CPNE8: variants seen among roughly 807,000 people sequenced by gnomAD.
The protein encoded by CPNE8 is copine-8.
Under a neutral mutation model 81.5 loss-of-function variants are expected in CPNE8, and 45 were observed. That is an observed-to-expected ratio of 0.55 (90% CI 0.44 to 0.71). The LOEUF is 0.71. Ranked by LOEUF, CPNE8 falls within the 30% of genes least tolerant of loss-of-function variation. The pLI is 0.00. For missense variants in CPNE8, 594 were observed against 672.1 expected, an observed-to-expected ratio of 0.88 and a Z score of 1.28; for synonymous variants, 252 against 226.3, an observed-to-expected ratio of 1.11 and a Z score of -1.02.
At chr12:38,886,506 C>G (rs77625047) in intron 1 of CPNE8, among the ~76,000 whole-genome samples, 2,700 of 152,206 alleles carry the variant, frequency 0.018, 80 homozygotes, top group African/African-American at 0.061. Context: ...CAAATTCATT[C>G]GAAAATATTC....
intron 3 of CPNE8, among the ~76,000 whole-genome samples, chr12:38,869,910 C>A (rs982448595): frequency 1.3e-5 from 2 of 152,178 alleles, no homozygotes; most frequent in Non-Finnish European, 2.9e-5. Flanking sequence ...TAATATTATG[C>A]CATTTCTCAT....
At position 38,767,732 on chromosome 12, in the gene CPNE8, C is replaced by G; in HGVS notation, c.478G>C (p.Val160Leu). ...TTGTTCGCACAAAATTGCATCAAAACGGCATCCTAAAAACAAAATTAATAA... is the reference window on the plus strand; with the variant it reads ...TTGTTCGCACAAAATTGCATCAAAAGGGCATCCTAAAAACAAAATTAATAA... Reference protein sequence around the residue: ...AEELNCCRDAVLMQFCANKLD... With the variant: ...AEELNCCRDALLMQFCANKLD... The change falls in exon 8 of 20, where the codon GTT (valine) becomes CTT (leucine). Residue 160 changes from valine (V) to leucine (L), a missense_variant. By Grantham distance (32) the Val-to-Leu change is conservative. Transcript: ENST00000331366. The G allele has an allele frequency of 6.5e-7, 1 of 1,541,426 alleles. No homozygotes were observed. Among genetic ancestry groups the G allele is most frequent in the East Asian group, 2.5e-5 (1 of 40,312 alleles).
intron 8 of CPNE8, among the ~76,000 whole-genome samples, chr12:38,763,370 A>G (rs1044721255): frequency 5.3e-5 from 8 of 152,260 alleles, no homozygotes; most frequent in South Asian, 2.1e-4. Context: ...AGGATGAGAC[A>G]TAAGTGATAA....
At chr12:38,894,866 T>C (rs916746997) in intron 1 of CPNE8, among the ~76,000 whole-genome samples, 5 of 151,922 alleles carry the variant, frequency 3.3e-5, no homozygotes, top group African/African-American at 1.2e-4. Flanking sequence ...TAAAAGAGGA[T>C]TGTAGGAATG....
At chr12:38,810,715 G>C (rs745394690) in intron 6 of CPNE8, among the ~76,000 whole-genome samples, 1 of 152,138 alleles carries the variant, frequency 6.6e-6, no homozygotes, top group Non-Finnish European at 1.5e-5. Context: ...AGTAGGATCA[G>C]CTAAGTATTC....
At chr12:38,786,005 A>T (rs1046711109) in intron 6 of CPNE8, among the ~76,000 whole-genome samples, 4 of 152,168 alleles carry the variant, frequency 2.6e-5, no homozygotes, top group Non-Finnish European at 4.4e-5. Flanking sequence ...GAAAGAAGAG[A>T]ACACAAAACA....
chr12:38,842,297 G>A (rs181457110), intron 4 of CPNE8, among the ~76,000 whole-genome samples: 154 of 152,218 alleles, frequency 1.0e-3, no homozygotes, highest in Admixed American at 1.6e-3. Context: ...AAACATAGCT[G>A]TGCTAGCTCC....
At position 38,879,726 on chromosome 12, in the gene CPNE8, C is replaced by T. The variant is rs182192001; in HGVS notation, c.99-5215G>A. On this transcript the variant is annotated intron_variant, in intron 1 of 19. Coordinates refer to ENST00000331366, the MANE Select transcript of CPNE8 (RefSeq NM_153634.3). ...TTCCACAGATGAAATTTGAAAAAGA[C>T]GACCTGTGTGTGAATTTTAAAGTTA... 7.2e-5 allele frequency among the ~76,000 whole-genome samples: 11 copies of T among 152,090 alleles called. No individual in the cohort carries two copies. The East Asian group carries it at 1.7e-3, about 24-fold the overall frequency.
chr12:38,714,823 T>C (rs1160225530), intron 13 of CPNE8, among the ~76,000 whole-genome samples: 1 of 152,054 alleles, frequency 6.6e-6, no homozygotes, highest in Non-Finnish European at 1.5e-5. Context: ...ACTAACAATC[T>C]GGTTTCACAA....
chr12:38,798,071 C>G (rs945834305), intron 6 of CPNE8, among the ~76,000 whole-genome samples: 3 of 152,246 alleles, frequency 2.0e-5, no homozygotes, highest in East Asian at 1.9e-4. Flanking sequence ...ATCTACGTCT[C>G]ATTGGTGTAC....
intron 3 of CPNE8, among the ~76,000 whole-genome samples, chr12:38,867,217 C>T (rs1355358321): frequency 6.6e-6 from 1 of 152,046 alleles, no homozygotes. Context: ...CGAGGTTTCA[C>T]CTTTGGAAGC....
At chr12:38,681,307 T>G (rs528552050) in intron 16 of CPNE8, among the ~76,000 whole-genome samples, 49 of 152,212 alleles carry the variant, frequency 3.2e-4, no homozygotes, top group Admixed American at 9.8e-4. Flanking sequence ...AAAACTCCAT[T>G]TTATTCAAAC....
At chr12:38,846,800 T>C (rs941404460) in intron 4 of CPNE8, among the ~76,000 whole-genome samples, 21 of 152,058 alleles carry the variant, frequency 1.4e-4, no homozygotes, top group African/African-American at 5.1e-4. Context: ...AAATATATAC[T>C]ACAAAAAGAT....
At chr12:38,760,760 A>G (rs1235584903) in intron 10 of CPNE8, 87 bp downstream of exon 10, 3 of 1,042,468 alleles carry the variant, frequency 2.9e-6, no homozygotes, top group African/African-American at 3.3e-5. Flanking sequence ...CCATCTAAAA[A>G]TTACAATTTA....
intron 1 of CPNE8, among the ~76,000 whole-genome samples, chr12:38,883,879 A>T (rs1944199376): frequency 1.3e-5 from 2 of 152,226 alleles, no homozygotes; most frequent in African/African-American, 4.8e-5. Flanking sequence ...TTCTGGTCAG[A>T]TAAGTGTAGA....
chr12:38,770,908 A>G (rs1592074271), intron 7 of CPNE8, among the ~76,000 whole-genome samples: 1 of 152,210 alleles, frequency 6.6e-6, no homozygotes, highest in East Asian at 1.9e-4. Context: ...TATTTGAATC[A>G]CTTGTCACAT....
At chr12:38,780,892 A>G (rs1168673325) in intron 6 of CPNE8, among the ~76,000 whole-genome samples, 1 of 152,014 alleles carries the variant, frequency 6.6e-6, no homozygotes, top group Non-Finnish European at 1.5e-5. Context: ...CAGATGGGAG[A>G]TCTAAGATGA....
At position 38,763,713 on chromosome 12, in the gene CPNE8, G is replaced by A. The variant is rs141457645; in HGVS notation, c.576-1497C>T. The stretch of plus-strand genomic sequence containing the variant: ...TTCTTCCTTCATGTGAATTTATGCA[G>A]CAGTTTCTGAGCTAGAAGCATTCAA... On this transcript the variant is annotated intron_variant, in intron 8 of 19. Coordinates refer to ENST00000331366, the MANE Select transcript of CPNE8 (RefSeq NM_153634.3). 4.9e-3 allele frequency among the ~76,000 whole-genome samples: 749 copies of A among 152,302 alleles called. 5 individuals are homozygous for A. Among genetic ancestry groups the A allele is most frequent in the African/African-American group, 0.017 (697 of 41,568 alleles).
chr12:38,714,893 G>A (rs1940348359), intron 13 of CPNE8, among the ~76,000 whole-genome samples: 1 of 152,046 alleles, frequency 6.6e-6, no homozygotes, highest in Non-Finnish European at 1.5e-5. Flanking sequence ...ACTAACGGAA[G>A]TGTATAATAT....
Sources: gnomAD v4.1 joint callset for allele counts (sites outside exome capture counted in the v4.1 genomes callset) on GRCh38, gnomAD v4.1.1 for gene constraint, MANE v1.5 for transcripts, NCBI Gene and HGNC (gene_info 2026-07-23, HGNC 2026-07-21) for gene names.